The following PTPRT variants were observed in gnomAD, a reference collection of about 807,000 sequenced individuals.
The protein encoded by PTPRT is protein tyrosine phosphatase receptor type T, also known as receptor-type tyrosine-protein phosphatase T.
Under a neutral mutation model 176.8 loss-of-function variants are expected in PTPRT, and 56 were observed. The ratio of observed to expected loss-of-function variants is 0.32; its 90% CI spans 0.26 to 0.40. The LOEUF (loss-of-function observed/expected upper bound fraction) is 0.40, where lower values mean the gene tolerates loss of function less well. PTPRT is among the 10% of genes least tolerant of loss of function. The pLI is 1.00. For missense variants in PTPRT, 1,540 were observed against 1,908.2 expected (o/e 0.81, Z 3.60); for synonymous variants, 783 against 739.0 (o/e 1.06, Z -0.96).
At chr20:42,803,554 ATTAT>A (rs913614912) in intron 2 of PTPRT, among the ~76,000 whole-genome samples, 4 of 152,010 alleles carry the variant, frequency 2.6e-5, no homozygotes, top group South Asian at 2.1e-4. Flanking sequence ...TTAATTATTT[ATTAT>A]TTATTTATTT....
intron 2 of PTPRT, among the ~76,000 whole-genome samples, chr20:42,858,595 A>G (rs1266135734): frequency 6.6e-6 from 1 of 152,228 alleles, no homozygotes; most frequent in Non-Finnish European, 1.5e-5. Context: ...ACATGAGGAC[A>G]CAACTAGAAG....
intron 11 of PTPRT, among the ~76,000 whole-genome samples, chr20:42,322,009 C>T (rs1176964896): frequency 3.3e-5 from 5 of 152,092 alleles, no homozygotes; most frequent in Non-Finnish European, 7.4e-5. Flanking sequence ...GAAGGCAGAG[C>T]TGCAGTTAGC....
At chr20:42,749,269 C>T (rs2076735872) in intron 6 of PTPRT, among the ~76,000 whole-genome samples, 1 of 152,166 alleles carries the variant, frequency 6.6e-6, no homozygotes, top group Non-Finnish European at 1.5e-5. Flanking sequence ...CCCTTGCCTA[C>T]TTATCCAGCC....
chr20:42,511,160 G>A (rs998781892), intron 7 of PTPRT, among the ~76,000 whole-genome samples: 2 of 152,042 alleles, frequency 1.3e-5, no homozygotes, highest in Non-Finnish European at 2.9e-5. Flanking sequence ...CCAATAAGAA[G>A]GTTCTCACCA....
chr20:42,074,846 C>T lies in PTPRT; in HGVS notation c.*6033G>A, dbSNP rs546562261. 7.5e-6 allele frequency: 3 copies of T among 398,616 alleles called. No homozygotes were observed. Among genetic ancestry groups the T allele is most frequent in the South Asian group, 2.5e-4 (2 of 7,844 alleles). The allele number at this position is 398,616 out of a possible 1,614,324, so 24.7% of individuals were successfully genotyped here. Reference sequence around the variant, plus strand: ...GATCTCTACAAGACATCTCTATAGTCAGTGCCATGCAAAAGCCCATCCCTG... The same window carrying T: ...GATCTCTACAAGACATCTCTATAGTTAGTGCCATGCAAAAGCCCATCCCTG... On this transcript the variant is annotated 3_prime_UTR_variant, in exon 31 of 31. Coordinates refer to ENST00000373187, the MANE Select transcript of PTPRT (RefSeq NM_007050.6).
At chr20:42,858,093 TAG>T (rs2078596616) in intron 2 of PTPRT, among the ~76,000 whole-genome samples, 1 of 152,180 alleles carries the variant, frequency 6.6e-6, no homozygotes, top group Non-Finnish European at 1.5e-5. Context: ...TCCTCTTCCA[TAG>T]AGTCAATCAT....
rs1425889267 is a variant in PTPRT at position 43,125,622 on chromosome 20, T to G, written c.88+64024A>C. Among the ~76,000 whole-genome samples the G allele has an allele frequency of 2.6e-5, 4 of 152,348 alleles. No individual in the cohort carries two copies. In the South Asian group the frequency reaches 8.3e-4, roughly 32 times the overall value. Reference sequence around the variant, plus strand: ...ATAAATGCTAGCATTATTTTCACTATGAAAAAATGTTCAAGCAATTGTGTG... The same window carrying G: ...ATAAATGCTAGCATTATTTTCACTAGGAAAAAATGTTCAAGCAATTGTGTG... On this transcript the variant is annotated intron_variant, in intron 1 of 30. Transcript: ENST00000373187.
intron 17 of PTPRT, among the ~76,000 whole-genome samples, chr20:42,145,178 G>A (rs1988805306): frequency 1.3e-5 from 2 of 152,132 alleles, no homozygotes. Context: ...AATGGTCATG[G>A]CTATGTTCAA....
At chr20:43,061,544 T>C (rs1282043774) in intron 1 of PTPRT, among the ~76,000 whole-genome samples, 1 of 152,236 alleles carries the variant, frequency 6.6e-6, no homozygotes, top group Admixed American at 6.5e-5. Context: ...GAATGGGCTC[T>C]GGGCAGCTCT....
At chr20:42,376,619 G>T (rs569338489) in intron 9 of PTPRT, among the ~76,000 whole-genome samples, 22 of 152,302 alleles carry the variant, frequency 1.4e-4, no homozygotes, top group African/African-American at 5.1e-4. Flanking sequence ...GAAGATTCAG[G>T]AGGTACAATG....
chr20:42,535,310 T>C (rs1206294834), intron 7 of PTPRT, among the ~76,000 whole-genome samples: 1 of 152,036 alleles, frequency 6.6e-6, no homozygotes, highest in Non-Finnish European at 1.5e-5. Context: ...CAGCAGACAC[T>C]GGGGAGTACT....
intron 6 of PTPRT, among the ~76,000 whole-genome samples, chr20:42,752,070 C>T (rs555577388): frequency 7.2e-5 from 11 of 152,200 alleles, no homozygotes; most frequent in African/African-American, 2.2e-4. Context: ...GGCACATCAC[C>T]GTGTACCAAC....
intron 4 of PTPRT, among the ~76,000 whole-genome samples, chr20:42,772,384 A>G (rs1043114781): frequency 1.3e-5 from 2 of 152,180 alleles, no homozygotes; most frequent in Non-Finnish European, 2.9e-5. Flanking sequence ...GTGCTTTCTG[A>G]GCATGAGGGG....
At chr20:42,461,226 C>T (rs1456732012) in intron 8 of PTPRT, among the ~76,000 whole-genome samples, 1 of 152,138 alleles carries the variant, frequency 6.6e-6, no homozygotes, top group Non-Finnish European at 1.5e-5. Flanking sequence ...ACTCAGGAGG[C>T]TGAAGCAGGA....
intron 1 of PTPRT, among the ~76,000 whole-genome samples, chr20:43,087,555 C>G (rs561766974): frequency 6.6e-6 from 1 of 151,592 alleles, no homozygotes; most frequent in Non-Finnish European, 1.5e-5. Context: ...GAAGAGAGAG[C>G]CTTTCACCAT....
chr20:42,859,715 C>A (rs2078627819), intron 2 of PTPRT, among the ~76,000 whole-genome samples: 1 of 151,508 alleles, frequency 6.6e-6, no homozygotes. Context: ...TCCCGAGCAG[C>A]TGGGACTACA....
intron 8 of PTPRT, among the ~76,000 whole-genome samples, chr20:42,463,239 T>A (rs758695301): frequency 1.8e-4 from 27 of 152,198 alleles, no homozygotes; most frequent in Non-Finnish European, 3.5e-4. Flanking sequence ...TTTTGTCTTA[T>A]CTTCTAATTC....
chr20:42,781,081 C>T (rs766011589), intron 3 of PTPRT, among the ~76,000 whole-genome samples: 2 of 151,974 alleles, frequency 1.3e-5, no homozygotes, highest in South Asian at 2.1e-4. Context: ...CAGTCTCTAC[C>T]GACAGTCTCA....
chr20:42,210,317 G>A (rs2055589905), intron 15 of PTPRT, among the ~76,000 whole-genome samples: 1 of 152,034 alleles, frequency 6.6e-6, no homozygotes, highest in South Asian at 2.1e-4. Context: ...GCAGGAGAAG[G>A]AAATAAAGGG....
Sources: allele counts gnomAD v4.1 joint callset (sites outside exome capture counted in the v4.1 genomes callset), GRCh38; gene constraint gnomAD v4.1.1; transcripts MANE v1.5; gene names NCBI Gene and HGNC (gene_info 2026-07-23, HGNC 2026-07-21).